Variants in EGLN2 observed in about 807,000 individuals in gnomAD.
The protein encoded by EGLN2 is prolyl hydroxylase EGLN2.
A neutral mutation model predicts 38.2 loss-of-function variants in EGLN2; 15 were observed. The observed-to-expected ratio is 0.39, with a 90% confidence interval of 0.26 to 0.60. The LOEUF (loss-of-function observed/expected upper bound fraction) is 0.60. Among genes scored for constraint, EGLN2 ranks in the 20% least tolerant of loss-of-function variants. The pLI is 0.50. For missense variants in EGLN2, 492 were observed against 570.4 expected, an observed-to-expected ratio of 0.86 and a Z score of 1.40; for synonymous variants, 284 against 237.4, an observed-to-expected ratio of 1.20 and a Z score of -1.81.
Position 40,801,014 on chromosome 19 carries a change from G to T in EGLN2, c.442G>T (p.Gly148Cys). ...RQENQEAERE[G>C]GMSCSCSSGS... ...AGAGAACCAGGAGGCAGAGCGGGAG[G>T]GTGGCATGAGCTGCAGCTGCAGCAG... Residue 148 changes from glycine (G) to cysteine (C), a missense_variant, in exon 2 of 6, where the codon GGT becomes TGT. This residue lies in a region of EGLN2 where 378 missense variants were observed against 386.2 expected (regional missense o/e 0.98). Coordinates refer to ENST00000303961, the MANE Select transcript of EGLN2 (RefSeq NM_080732.4). 6.2e-7 allele frequency: 1 copy of T among 1,613,140 alleles called. No homozygotes were observed. The highest frequency in any genetic ancestry group is 2.2e-5 in the East Asian group (1 of 44,864).
chr19:40,802,420 TC>T (rs2083268754), intron 2 of EGLN2, among the ~76,000 whole-genome samples: 1 of 152,206 alleles, frequency 6.6e-6, no homozygotes, highest in Non-Finnish European at 1.5e-5. Context: ...GTGTGTCACT[TC>T]CTCCCTACCC....
chr19:40,800,303 T>A, intron 1 of EGLN2, 36 bp from the exon 2 acceptor site: 2 of 425,914 alleles, frequency 4.7e-6, no homozygotes, highest in South Asian at 8.2e-5. Flanking sequence ...TGTCTCTAGT[T>A]TCTCTCACAT....
intron 5 of EGLN2, 111 bp downstream of exon 5, chr19:40,807,662 C>A (rs540090034): frequency 1.4e-6 from 2 of 1,432,766 alleles, no homozygotes; most frequent in South Asian, 2.4e-5. Context: ...CATTTTTCTT[C>A]ATCTCTGCCC....
intron 2 of EGLN2, among the ~76,000 whole-genome samples, 190 bp downstream of exon 2, chr19:40,801,605 G>A (rs1272396422): frequency 6.7e-6 from 1 of 148,592 alleles, no homozygotes; most frequent in Non-Finnish European, 1.5e-5. Flanking sequence ...GGGCCTTAAT[G>A]TGTGCACCTG....
At chr19:40,803,213 A>G (rs2083276037) in intron 2 of EGLN2, 1 of 152,364 alleles carries the variant, frequency 6.6e-6, no homozygotes, top group East Asian at 1.9e-4. Flanking sequence ...TCCACGGAAT[A>G]CGAAAACCAG....
At chr19:40,806,526 G>C in intron 2 of EGLN2, 29 bp from the exon 3 acceptor site, 1 of 1,613,324 alleles carries the variant, frequency 6.2e-7, no homozygotes, top group Non-Finnish European at 8.5e-7. Context: ...CCTAGCCCCA[G>C]TAAACCTACC....
chr19:40,799,729 C>G (rs188856739), intron 1 of EGLN2: 1 of 152,226 alleles, frequency 6.6e-6, no homozygotes, highest in Non-Finnish European at 1.5e-5. Context: ...ACCTCCCTTC[C>G]GTCTGGGCGT....
rs747213479 is a variant in EGLN2 at position 40,801,089 on chromosome 19, G to A, written c.517G>A (p.Ala173Thr). ...GCTGATGGAGGAGGCGCTGCCCTCT[G>A]CGCCCGAGCGCCTGGCCCTGGACTA... The part of the protein sequence containing the change: ...AGLMEEALPS[A>T]PERLALDYIV... Residue 173 changes from alanine to threonine, a missense_variant, in exon 2 of 6, where the codon GCG becomes ACG. Around this residue, in one of 2 missense-constraint regions of EGLN2, gnomAD observed 378 missense variants for 386.2 expected, o/e 0.98. Transcript: ENST00000303961. 6.2e-7 allele frequency: 1 copy of A among 1,612,698 alleles called. No homozygotes were observed. Among genetic ancestry groups the A allele is most frequent in the Non-Finnish European group, 8.5e-7 (1 of 1,179,926 alleles).
intron 4 of EGLN2, 34 bp downstream of exon 4, chr19:40,807,308 G>T (rs2083311964): frequency 1.2e-6 from 2 of 1,613,338 alleles, no homozygotes; most frequent in East Asian, 4.5e-5. Flanking sequence ...GCACCCAGGT[G>T]CTCCCCCTGT....
At chr19:40,806,242 G>A in intron 2 of EGLN2, 2 of 359,212 alleles carry the variant, frequency 5.6e-6, no homozygotes, top group East Asian at 5.2e-5. Flanking sequence ...AAATGGCTGA[G>A]GTGGGGTTTG....
Position 40,800,478 on chromosome 19 carries a change from C to T in EGLN2, c.-95C>T, listed in dbSNP as rs1345773369. On this transcript the variant is annotated 5_prime_UTR_variant, in exon 2 of 6. Coordinates refer to ENST00000303961, the MANE Select transcript of EGLN2 (RefSeq NM_080732.4). ...CCACGCCAGGCCCGGTGGCCCCCAG[C>T]TGCATCAAGTGGAGGCGGAGGAGGA... 1 of 1,450,212 alleles carries T rather than the reference C, an allele frequency of 6.9e-7. No individual in the cohort carries two copies. Among genetic ancestry groups the T allele is most frequent in the Non-Finnish European group, 9.1e-7 (1 of 1,102,442 alleles). 89.8% of individuals were successfully genotyped at this position (1,450,212 alleles called of 1,614,324 possible).
chr19:40,808,054 C>T lies in EGLN2; in HGVS notation c.*190C>T, dbSNP rs2145094617. The stretch of plus-strand genomic sequence containing the variant: ...GACCTTTGCTGCCCCATCATGGGGG[C>T]TGGGGTTGTCACCTGGACAGGGGGC... On this transcript the variant is annotated 3_prime_UTR_variant, in exon 6 of 6. Transcript: ENST00000303961. The T allele has an allele frequency of 3.1e-6, 2 of 636,980 alleles. No individual in the cohort carries two copies. The highest frequency in any genetic ancestry group is 5.5e-5 in the East Asian group (2 of 36,480). 39.5% of individuals were successfully genotyped at this position (636,980 alleles called of 1,614,324 possible). A position where few individuals can be genotyped will look rare whatever the true frequency, so the allele number is the denominator to read the frequency against.
intron 2 of EGLN2, 153 bp from the exon 3 acceptor site, chr19:40,806,401 GA>G (rs1482242059): frequency 1.4e-6 from 2 of 1,412,686 alleles, no homozygotes; most frequent in South Asian, 1.4e-5. Context: ...GGCTGAAAAA[GA>G]AAGTCTTTTG....
rs151317644 is a variant in EGLN2 at position 40,800,256 on chromosome 19, C to T, written c.-234-83C>T. 185 of 339,642 alleles carry T rather than the reference C, an allele frequency of 5.4e-4. 5 individuals are homozygous for T. The East Asian group carries it at 5.5e-3, about 10-fold the overall frequency. The allele number at this position is 339,642 out of a possible 1,614,324, so 21.0% of individuals were successfully genotyped here. On this transcript the variant is annotated intron_variant, in intron 1 of 5. Transcript: ENST00000303961. ...AAGTCTGTCCTGGTCGTCTTCCCCA[C>T]TCCTGCCCATACCATCCCGGCTTTC...
intron 2 of EGLN2, among the ~76,000 whole-genome samples, chr19:40,803,562 GCCGTGGGGACATGGATCA>G (rs1188707119): frequency 6.6e-6 from 1 of 152,160 alleles, no homozygotes; most frequent in Non-Finnish European, 1.5e-5. Context: ...TGCAGCAGTT[GCCGTGGGGACATGGATCA>G]CCAGTGTGGC....
intron 2 of EGLN2, 33 bp downstream of exon 2, chr19:40,801,448 T>C: frequency 6.3e-7 from 1 of 1,581,978 alleles, no homozygotes; most frequent in South Asian, 1.1e-5. Flanking sequence ...TTGGAGGGGC[T>C]TTGCAGCACC....
rs558606448 is a variant in EGLN2, at chr19:40,806,737, G to A, written c.963+63G>A. 159 of 1,585,846 alleles carry A rather than the reference G, an allele frequency of 1.0e-4. 1 individual carries two copies. In the African/African-American group the frequency reaches 1.7e-3, roughly 17 times the overall value. On this transcript the variant is annotated intron_variant, in intron 3 of 5. Transcript: ENST00000303961. ...TAGGGCTGGGGCGGGGGTGGCGTGCGTCCACTCCATTTTCCACTCTCAGCC... is the reference window on the plus strand; with the variant it reads ...TAGGGCTGGGGCGGGGGTGGCGTGCATCCACTCCATTTTCCACTCTCAGCC...
Position 40,806,669 on chromosome 19 carries a change from G to T in EGLN2, c.958G>T (p.Val320Phe). ...CTATTACCTGAATCAGAACTGGGAC[G>T]TTAAGGTAGGGGTGAGGGTGAGGGT... ...CIYYLNQNWDVKVHGGLLQIF... is the reference protein window; with the variant it reads ...CIYYLNQNWDFKVHGGLLQIF... The change falls in exon 3 of 6, where the codon GTT (valine) becomes TTT (phenylalanine). Residue 320 changes from valine to phenylalanine, a missense_variant. By Grantham distance (50) the Val-to-Phe change is conservative. This residue lies in a region of EGLN2 where 114 missense variants were observed against 184.2 expected (regional missense o/e 0.62). Transcript: ENST00000303961. 6.2e-7 allele frequency: 1 copy of T among 1,613,450 alleles called. No individual in the cohort carries two copies.
intron 1 of EGLN2, chr19:40,799,492 TGGAGGGGGAGG>T (rs1372283974): frequency 4.4e-5 from 1 of 22,946 alleles, no homozygotes; most frequent in East Asian, 1.0e-3. Context: ...GGAGGCCGAG[TGGAGGGGGAGG>T]GGAGGGGGTC....
Sources: gnomAD v4.1 joint callset for allele counts (sites outside exome capture counted in the v4.1 genomes callset) on GRCh38, gnomAD v4.1.1 for gene constraint, gnomAD v4.1.1 regional missense constraint, MANE v1.5 for transcripts, NCBI Gene and HGNC (gene_info 2026-07-23, HGNC 2026-07-21) for gene names.